Variants in PROS1 observed in about 807,000 individuals in gnomAD.
PROS1 encodes vitamin K-dependent protein S.
PROS1 carries 29 observed loss-of-function variants against 75.9 expected under a neutral mutation model. That is an observed-to-expected ratio of 0.38 (90% CI 0.28 to 0.52). The LOEUF (loss-of-function observed/expected upper bound fraction) is 0.52, where lower values mean the gene tolerates loss of function less well. Ranked by LOEUF, PROS1 falls within the 20% of genes least tolerant of loss-of-function variation. The probability of loss-of-function intolerance (pLI) is 0.83; values close to 1 mark genes in which losing one functional copy is unlikely to be tolerated. For synonymous variants in PROS1, 245 were observed against 280.6 expected (o/e 0.87, Z 1.27); for missense variants, 680 against 810.3 (o/e 0.84, Z 1.95).
At chr3:93,880,334 GA>G (rs925292087) in intron 12 of PROS1, among the ~76,000 whole-genome samples, 4 of 150,090 alleles carry the variant, frequency 2.7e-5, no homozygotes, top group African/African-American at 7.3e-5. Flanking sequence ...CATCTCTACT[GA>G]AAAAAAAATA....
chr3:93,969,820 T>C (rs1709848122), intron 1 of PROS1, among the ~76,000 whole-genome samples: 1 of 152,234 alleles, frequency 6.6e-6, no homozygotes, highest in South Asian at 2.1e-4. Context: ...TCATTACTGT[T>C]GCTTATAGGC....
chr3:93,897,021 A>C (rs1217407693), intron 8 of PROS1, among the ~76,000 whole-genome samples: 5 of 152,172 alleles, frequency 3.3e-5, no homozygotes, highest in Non-Finnish European at 7.4e-5. Context: ...TTCTTTAATT[A>C]ACAGTCAGGT....
chr3:93,877,863 A>G (rs940183767), intron 13 of PROS1, among the ~76,000 whole-genome samples: 10 of 152,214 alleles, frequency 6.6e-5, no homozygotes, highest in African/African-American at 2.2e-4. Flanking sequence ...ATAAAAACAT[A>G]ATCAGAAATG....
intron 11 of PROS1, 114 bp downstream of exon 11, chr3:93,886,222 A>C: frequency 1.1e-6 from 1 of 895,174 alleles, no homozygotes; most frequent in South Asian, 1.4e-5. Context: ...AAGTTGTCAC[A>C]CTTAGTATGC....
rs948561318 is a variant in PROS1, at chr3:93,873,205, G to A, written c.*1040C>T. ...TCAGTGAAACATCTGATACACATCTGGCTATGAATGGTAGATTCAAACGTG... is the reference window on the plus strand; with the variant it reads ...TCAGTGAAACATCTGATACACATCTAGCTATGAATGGTAGATTCAAACGTG... On this transcript the variant is annotated 3_prime_UTR_variant, in exon 15 of 15. Coordinates refer to ENST00000394236, the MANE Select transcript of PROS1 (RefSeq NM_000313.4). 1 of 152,148 alleles carries A rather than the reference G, an allele frequency of 6.6e-6. No homozygotes were observed. The highest frequency in any genetic ancestry group is 1.5e-5 in the Non-Finnish European group (1 of 68,022). 9.4% of individuals were successfully genotyped at this position (152,148 alleles called of 1,614,324 possible). A position where few individuals can be genotyped will look rare whatever the true frequency, so the allele number is the denominator to read the frequency against.
chr3:93,902,402 AG>A (rs763653667), intron 6 of PROS1, among the ~76,000 whole-genome samples: 34 of 152,330 alleles, frequency 2.2e-4, no homozygotes, highest in Non-Finnish European at 4.1e-4. Flanking sequence ...TACAAGTTTA[AG>A]TTACAGTACA....
chr3:93,875,797 A>G (rs1268367652), intron 14 of PROS1, among the ~76,000 whole-genome samples: 1 of 152,176 alleles, frequency 6.6e-6, no homozygotes, highest in East Asian at 1.9e-4. Context: ...TAAGCAGTAT[A>G]TTGAAGGTTA....
At chr3:93,898,135 G>A (rs371196796) in intron 8 of PROS1, among the ~76,000 whole-genome samples, 1 of 151,868 alleles carries the variant, frequency 6.6e-6, no homozygotes, top group African/African-American at 2.4e-5. Flanking sequence ...CACAATGAGG[G>A]CTATTAAACT....
At chr3:93,953,508 C>T (rs966959379) in intron 1 of PROS1, among the ~76,000 whole-genome samples, 1 of 152,148 alleles carries the variant, frequency 6.6e-6, no homozygotes, top group African/African-American at 2.4e-5. Context: ...GCAGAAAAGG[C>T]CTTCAGCAAA....
At chr3:93,926,560 A>C (rs1004888882) in intron 2 of PROS1, among the ~76,000 whole-genome samples, 2 of 152,114 alleles carry the variant, frequency 1.3e-5, no homozygotes, top group Non-Finnish European at 2.9e-5. Context: ...TGAACCCGGG[A>C]AGTGGGGGCT....
intron 12 of PROS1, 57 bp from the exon 13 acceptor site, chr3:93,879,371 G>A (rs1708242306): frequency 6.4e-7 from 1 of 1,570,364 alleles, no homozygotes; most frequent in East Asian, 2.2e-5. Context: ...TGCATCAGAA[G>A]GAATTATTAT....
chr3:93,923,276 T>C (rs1708969623), intron 3 of PROS1, among the ~76,000 whole-genome samples: 2 of 152,184 alleles, frequency 1.3e-5, no homozygotes, highest in South Asian at 4.1e-4. Flanking sequence ...CACATAATGC[T>C]GTATTAGCAT....
intron 3 of PROS1, among the ~76,000 whole-genome samples, chr3:93,923,041 C>A (rs1708965762): frequency 6.6e-6 from 1 of 152,156 alleles, no homozygotes; most frequent in East Asian, 1.9e-4. Flanking sequence ...GAAAGCTAAA[C>A]AACTTGTTTA....
intron 8 of PROS1, 141 bp from the exon 9 acceptor site, chr3:93,896,832 G>A: frequency 1.5e-6 from 1 of 647,342 alleles, no homozygotes; most frequent in Non-Finnish European, 2.8e-6. Flanking sequence ...AATATTTTTG[G>A]TAATAATAAA....
chr3:93,883,926 G>C (rs558469773), intron 12 of PROS1, among the ~76,000 whole-genome samples: 1 of 152,102 alleles, frequency 6.6e-6, no homozygotes, highest in Non-Finnish European at 1.5e-5. Context: ...CCCCAGCCTG[G>C]GTGACAAAGT....
intron 1 of PROS1, among the ~76,000 whole-genome samples, chr3:93,928,237 G>A (rs879929410): frequency 2.7e-5 from 4 of 149,830 alleles, no homozygotes; most frequent in East Asian, 4.0e-4. Context: ...AGGCTAAGGC[G>A]GGAGTGCCAC....
At chr3:93,943,461 A>T (rs1158804505) in intron 1 of PROS1, among the ~76,000 whole-genome samples, 2 of 151,918 alleles carry the variant, frequency 1.3e-5, no homozygotes, top group Non-Finnish European at 2.9e-5. Flanking sequence ...TATACAACCA[A>T]TGTCACTTCT....
intron 1 of PROS1, among the ~76,000 whole-genome samples, chr3:93,963,696 A>G (rs1270749199): frequency 1.6e-5 from 2 of 126,396 alleles, no homozygotes; most frequent in African/African-American, 5.1e-5. Context: ...TGGGAGCGCG[A>G]GCTAGAAGGA....
intron 10 of PROS1, among the ~76,000 whole-genome samples, chr3:93,888,429 T>A (rs1478235356): frequency 2.0e-5 from 3 of 152,190 alleles, no homozygotes; most frequent in Non-Finnish European, 2.9e-5. Flanking sequence ...TTTATCCATA[T>A]TAATATAATA....
Sources: allele counts gnomAD v4.1 joint callset (sites outside exome capture counted in the v4.1 genomes callset), GRCh38; gene constraint gnomAD v4.1.1; transcripts MANE v1.5; gene names NCBI Gene and HGNC (gene_info 2026-07-23, HGNC 2026-07-21).